Variants in AP5M1 observed in about 807,000 individuals in gnomAD.
AP5M1 encodes AP-5 complex subunit mu-1.
AP5M1 carries 44 observed loss-of-function variants against 52.3 expected under a neutral mutation model. The ratio of observed to expected loss-of-function variants is 0.84; its 90% CI spans 0.66 to 1.08. The LOEUF (loss-of-function observed/expected upper bound fraction) is 1.08, where lower values mean the gene tolerates loss of function less well. Ranked by LOEUF, AP5M1 falls within the 50% of genes least tolerant of loss-of-function variation. The probability of loss-of-function intolerance (pLI) is 0.00; values close to 1 mark genes in which losing one functional copy is unlikely to be tolerated. For synonymous variants in AP5M1, 213 were observed against 199.0 expected (o/e 1.07, Z -0.59); for missense variants, 526 against 568.4 (o/e 0.93, Z 0.76).
chr14:57,274,600 C>T lies in AP5M1; in HGVS notation c.431C>T (p.Ser144Leu), dbSNP rs1473433439. The T allele has an allele frequency of 6.2e-7, 1 of 1,613,990 alleles. No homozygotes were observed. The change falls in exon 2 of 8, where the codon TCA becomes TTA. Residue 144 changes from serine (S) to leucine (L), a missense_variant. Physicochemically the swap from Ser to Leu is moderately radical, Grantham distance 145. Transcript: ENST00000261558. ...TTTGGGATACAGGATTTTCTTTATT[C>T]AGGTCAAAAAAATGACTCTGAGCTG... Reference protein sequence around the residue: ...FLFGIQDFLYSGQKNDSELNT... With the variant: ...FLFGIQDFLYLGQKNDSELNT...
Position 57,290,922 on chromosome 14 carries a change from T to A in AP5M1, c.*2038T>A. ...TTAGTGTAATTAGCGACCTTTGAACTCCACAACTAATCCTGAGCTATTTTG... is the reference window on the plus strand; with the variant it reads ...TTAGTGTAATTAGCGACCTTTGAACACCACAACTAATCCTGAGCTATTTTG... On this transcript the variant is annotated 3_prime_UTR_variant, in exon 8 of 8. Transcript: ENST00000261558. 1 of 151,912 alleles carries A rather than the reference T, an allele frequency of 6.6e-6. No individual in the cohort carries two copies. The highest frequency in any genetic ancestry group is 1.9e-4 in the East Asian group (1 of 5,186). The allele number at this position is 151,912 out of a possible 1,614,324, so 9.4% of individuals were successfully genotyped here.
intron 6 of AP5M1, among the ~76,000 whole-genome samples, chr14:57,283,497 G>A (rs561129770): frequency 1.8e-3 from 273 of 152,316 alleles, no homozygotes; most frequent in African/African-American, 6.4e-3. Flanking sequence ...ACTGAGGTGG[G>A]AGGATCGCTC....
Position 57,294,141 on chromosome 14 carries a change from G to A in AP5M1, c.*5257G>A, listed in dbSNP as rs184404941. 1 of 151,892 alleles carries A rather than the reference G, an allele frequency of 6.6e-6. No homozygotes were observed. The highest frequency in any genetic ancestry group is 6.6e-5 in the Admixed American group (1 of 15,206). The allele number at this position is 151,892 out of a possible 1,614,324, so 9.4% of individuals were successfully genotyped here. On this transcript the variant is annotated 3_prime_UTR_variant, in exon 8 of 8. Transcript: ENST00000261558. ...GCAAGGTCTGGTTGATTTCTCTAAT[G>A]CCCTAGCTAATCTGCCTAATTGACA...
At chr14:57,269,414 G>A in intron 1 of AP5M1, 26 bp downstream of exon 1, 1 of 1,610,114 alleles carries the variant, frequency 6.2e-7, no homozygotes. Context: ...AATCCTCAGG[G>A]ATGATGGATC....
chr14:57,284,547 G>GT (rs1236791980), intron 6 of AP5M1, among the ~76,000 whole-genome samples: 1 of 152,158 alleles, frequency 6.6e-6, no homozygotes, highest in African/African-American at 2.4e-5. Context: ...CTGAGTTAGT[G>GT]TAGTGTCAAC....
rs1196313533 is a variant in AP5M1 at position 57,289,037 on chromosome 14, A to G, written c.*153A>G. ...TCTTATGTGGTGTTTGTAGTCTGATAGAGCTTGAAAGGACATTTTAAAAGC... is the reference window on the plus strand; with the variant it reads ...TCTTATGTGGTGTTTGTAGTCTGATGGAGCTTGAAAGGACATTTTAAAAGC... On this transcript the variant is annotated 3_prime_UTR_variant, in exon 8 of 8. Coordinates refer to ENST00000261558, the MANE Select transcript of AP5M1 (RefSeq NM_018229.4). The G allele has an allele frequency of 8.6e-6, 4 of 465,004 alleles. No homozygotes were observed. In the East Asian group the frequency reaches 1.6e-4, roughly 18 times the overall value. The allele number at this position is 465,004 out of a possible 1,614,324, so 28.8% of individuals were successfully genotyped here. A position where few individuals can be genotyped will look rare whatever the true frequency, so the allele number is the denominator to read the frequency against.
rs2139680736 is a variant in AP5M1 at position 57,269,102 on chromosome 14, T to G, written c.-213T>G. 1 of 584,316 alleles carries G rather than the reference T, an allele frequency of 1.7e-6. No individual in the cohort carries two copies. The highest frequency in any genetic ancestry group is 2.9e-5 in the East Asian group (1 of 34,978). The allele number at this position is 584,316 out of a possible 1,614,324, so 36.2% of individuals were successfully genotyped here. On this transcript the variant is annotated 5_prime_UTR_variant, in exon 1 of 8. Transcript: ENST00000261558. ...TCTCAAGGTTATAGGTTGGGGTTCTTAGAACTTTTTGTGGTGTGTGTTGGC... is the reference window on the plus strand; with the variant it reads ...TCTCAAGGTTATAGGTTGGGGTTCTGAGAACTTTTTGTGGTGTGTGTTGGC...
Position 57,288,922 on chromosome 14 carries a change from G to T in AP5M1, c.*38G>T. ...TAAATGGGATTATATAATGATAACA[G>T]TTTAAAGAAAATCATAATCTTATAT... On this transcript the variant is annotated 3_prime_UTR_variant, in exon 8 of 8. Transcript: ENST00000261558. The T allele has an allele frequency of 8.2e-7, 1 of 1,217,750 alleles. No individual in the cohort carries two copies. Among genetic ancestry groups the T allele is most frequent in the Non-Finnish European group, 1.2e-6 (1 of 855,536 alleles). 75.4% of individuals were successfully genotyped at this position (1,217,750 alleles called of 1,614,324 possible).
Position 57,272,320 on chromosome 14 carries a change from G to A in AP5M1, c.75-1924G>A, listed in dbSNP as rs188811188. ...ACAGATAGGCACTGACACTTTATAAGTGTCAATAAGTGGCCAATATTTAAG... is the reference window on the plus strand; with the variant it reads ...ACAGATAGGCACTGACACTTTATAAATGTCAATAAGTGGCCAATATTTAAG... On this transcript the variant is annotated intron_variant, in intron 1 of 7. Transcript: ENST00000261558. 5.5e-4 allele frequency among the ~76,000 whole-genome samples: 83 copies of A among 152,276 alleles called. 1 individual carries two copies. Among genetic ancestry groups the A allele is most frequent in the African/African-American group, 1.9e-3 (78 of 41,542 alleles).
chr14:57,285,443 T>C (rs1364159255), intron 6 of AP5M1, among the ~76,000 whole-genome samples: 2 of 152,140 alleles, frequency 1.3e-5, no homozygotes, highest in Non-Finnish European at 2.9e-5. Context: ...TTCAGTTGTA[T>C]GGAAATCAGT....
Position 57,280,228 on chromosome 14 carries a change from A to T in AP5M1, c.754A>T (p.Ile252Phe), listed in dbSNP as rs1246513542. The change falls in exon 3 of 8, where the codon ATC (isoleucine) becomes TTC (phenylalanine). Residue 252 changes from isoleucine to phenylalanine, a missense_variant. Transcript: ENST00000261558. ...DLEGIMPNVTISLSLPTNGSP... is the reference protein window; with the variant it reads ...DLEGIMPNVTFSLSLPTNGSP... ...GGAAGGAATCATGCCAAATGTTACCATCAGCTTGAGTCTCCCCACCAATGG... is the reference window on the plus strand; with the variant it reads ...GGAAGGAATCATGCCAAATGTTACCTTCAGCTTGAGTCTCCCCACCAATGG... 3.5e-5 allele frequency: 57 copies of T among 1,613,874 alleles called. No individual in the cohort carries two copies. Among genetic ancestry groups the T allele is most frequent in the Non-Finnish European group, 4.7e-5 (55 of 1,179,920 alleles).
chr14:57,274,760 T>G lies in AP5M1; in HGVS notation c.591T>G (p.Ala197=), dbSNP rs2139686022. 2 of 1,614,208 alleles carry G rather than the reference T, an allele frequency of 1.2e-6. No individual in the cohort carries two copies. The highest frequency in any genetic ancestry group is 2.7e-5 in the African/African-American group (2 of 75,060). The change falls in exon 2 of 8, where the codon GCT becomes GCG. Residue 197 remains alanine (A), a synonymous_variant. Coordinates refer to ENST00000261558, the MANE Select transcript of AP5M1 (RefSeq NM_018229.4). ...ASVTQPQKQP[A]WKTGTYKGKP... ...TGACTCAGCCACAGAAACAGCCAGC[T>G]TGGAAAACTGGGACGTACAAAGGAA... is the stretch of plus-strand genomic sequence containing the variant.
Position 57,269,469 on chromosome 14 carries a change from A to G in AP5M1, c.74+81A>G, listed in dbSNP as rs111628238. The G allele has an allele frequency of 5.1e-4, 737 of 1,455,908 alleles. 4 individuals carry two copies. The African/African-American group carries it at 8.9e-3, about 18-fold the overall frequency. The allele number at this position is 1,455,908 out of a possible 1,614,324, so 90.2% of individuals were successfully genotyped here. ...ATAGTTTTGTGGTGCTTCGTGGCCC[A>G]GGTTTGCCACGAATAGCTGCGTGAC... On this transcript the variant is annotated intron_variant, in intron 1 of 7. Transcript: ENST00000261558.
Position 57,292,298 on chromosome 14 carries a change from G to A in AP5M1, c.*3414G>A, listed in dbSNP as rs914493290. On this transcript the variant is annotated 3_prime_UTR_variant, in exon 8 of 8. Transcript: ENST00000261558. ...AGGTTTATTCAGCAAGGATTCAGTT[G>A]GTGATTAATCCCCCTTTGATCTAGG... The A allele has an allele frequency of 5.9e-5, 9 of 151,770 alleles. No individual in the cohort carries two copies. Among genetic ancestry groups the A allele is most frequent in the African/African-American group, 2.2e-4 (9 of 41,374 alleles). The allele number at this position is 151,770 out of a possible 1,614,324, so 9.4% of individuals were successfully genotyped here. A position where few individuals can be genotyped will look rare whatever the true frequency, so the allele number is the denominator to read the frequency against.
At chr14:57,274,099 C>A in intron 1 of AP5M1, 145 bp from the exon 2 acceptor site, 1 of 862,628 alleles carries the variant, frequency 1.2e-6, no homozygotes, top group Non-Finnish European at 1.7e-6. Flanking sequence ...TGGTTGTTGG[C>A]TTTTGTGGAT....
In AP5M1 at chr14:57,292,570, A is replaced by G. The variant is rs1885459973; in HGVS notation, c.*3686A>G. The G allele has an allele frequency of 6.6e-6, 1 of 151,860 alleles. No homozygotes were observed. Among genetic ancestry groups the G allele is most frequent in the South Asian group, 2.1e-4 (1 of 4,828 alleles). The allele number at this position is 151,860 out of a possible 1,614,324, so 9.4% of individuals were successfully genotyped here. On this transcript the variant is annotated 3_prime_UTR_variant, in exon 8 of 8. Transcript: ENST00000261558. ...AACATTTCTTTTTGCTTCGCCTAAC[A>G]ATGATATTAGGAAACATAGGCTTTG...
intron 3 of AP5M1, among the ~76,000 whole-genome samples, chr14:57,280,695 C>A (rs1885150267): frequency 6.6e-6 from 1 of 151,972 alleles, no homozygotes; most frequent in African/African-American, 2.4e-5. Context: ...ACTAAAAATA[C>A]AAAAAGTTAG....
In AP5M1 at chr14:57,292,092, T is replaced by G. The variant is rs1235388285; in HGVS notation, c.*3208T>G. Reference sequence around the variant, plus strand: ...CTTTCCTGTTCTGACATCATTTAGATAGTTAGCTGTATTATCAGATTAGAA... The same window carrying G: ...CTTTCCTGTTCTGACATCATTTAGAGAGTTAGCTGTATTATCAGATTAGAA... On this transcript the variant is annotated 3_prime_UTR_variant, in exon 8 of 8. Transcript: ENST00000261558. 6.6e-6 allele frequency: 1 copy of G among 151,886 alleles called. No individual in the cohort carries two copies. The highest frequency in any genetic ancestry group is 1.5e-5 in the Non-Finnish European group (1 of 67,856). 9.4% of individuals were successfully genotyped at this position (151,886 alleles called of 1,614,324 possible).
In AP5M1 at chr14:57,290,777, C is replaced by T. The variant is rs1426865284; in HGVS notation, c.*1893C>T. On this transcript the variant is annotated 3_prime_UTR_variant, in exon 8 of 8. Coordinates refer to ENST00000261558, the MANE Select transcript of AP5M1 (RefSeq NM_018229.4). ...TCATCCCATTGAGATCAGCTGGGCA[C>T]ACTGTGATGCTTTTGATTTTGTCTA... 1.3e-5 allele frequency: 2 copies of T among 151,834 alleles called. No homozygotes were observed. Among genetic ancestry groups the T allele is most frequent in the African/African-American group, 4.8e-5 (2 of 41,382 alleles). 9.4% of individuals were successfully genotyped at this position (151,834 alleles called of 1,614,324 possible).
Sources: allele counts gnomAD v4.1 joint callset (sites outside exome capture counted in the v4.1 genomes callset), GRCh38; gene constraint gnomAD v4.1.1; transcripts MANE v1.5; gene names NCBI Gene and HGNC (gene_info 2026-07-23, HGNC 2026-07-21).